CAPN13: variants seen among roughly 807,000 people sequenced by gnomAD.
CAPN13 encodes the protein calpain-13.
CAPN13 carries 90 observed loss-of-function variants against 98.4 expected under a neutral mutation model. The observed-to-expected ratio is 0.92, with a 90% CI of 0.77 to 1.09. The LOEUF is 1.09. Ranked by LOEUF, CAPN13 falls within the 50% of genes least tolerant of loss-of-function variation. The pLI is 0.00. For missense variants in CAPN13, 887 were observed against 841.3 expected, an observed-to-expected ratio of 1.05 and a Z score of -0.67; for synonymous variants, 330 against 305.5, an observed-to-expected ratio of 1.08 and a Z score of -0.84.
chr2:30,732,585 G>C lies in CAPN13; in HGVS notation c.1799-19C>G, dbSNP rs765329514. ...AGGAAGTCTGGGGCCACAGGTGAACGAGTGAGTGAGAGGAGGCTAGGGCTC... is the reference window on the plus strand; with the variant it reads ...AGGAAGTCTGGGGCCACAGGTGAACCAGTGAGTGAGAGGAGGCTAGGGCTC... On this transcript the variant is annotated intron_variant, in intron 19 of 22. Transcript: ENST00000295055. 9.4e-6 allele frequency: 15 copies of C among 1,599,688 alleles called. No individual in the cohort carries two copies. The highest frequency in any genetic ancestry group is 1.7e-5 in the Admixed American group (1 of 58,312).
intron 12 of CAPN13, among the ~76,000 whole-genome samples, chr2:30,744,936 C>T (rs1249930722): frequency 6.6e-6 from 1 of 152,230 alleles, no homozygotes; most frequent in African/African-American, 2.4e-5. Flanking sequence ...CCATCCCAAC[C>T]CTCCACTTCA....
chr2:30,800,119 A>G (rs866059920), intron 1 of CAPN13, among the ~76,000 whole-genome samples: 4 of 77,660 alleles, frequency 5.2e-5, no homozygotes, highest in African/African-American at 2.2e-4. Flanking sequence ...AAGAAAGAAA[A>G]GAAAGAAAGA....
chr2:30,792,636 C>T (rs1674660111), intron 1 of CAPN13, among the ~76,000 whole-genome samples: 1 of 151,936 alleles, frequency 6.6e-6, no homozygotes, highest in African/African-American at 2.4e-5. Flanking sequence ...CCTTCAAGGA[C>T]AGAGTAACAC....
At chr2:30,725,532 C>T (rs1441858754) in intron 22 of CAPN13, among the ~76,000 whole-genome samples, 2 of 152,154 alleles carry the variant, frequency 1.3e-5, no homozygotes, top group Admixed American at 6.5e-5. Flanking sequence ...TAGGGAGTGA[C>T]CTGGAAACCA....
In CAPN13 at chr2:30,775,978, C is replaced by G. The variant is rs1192879763; in HGVS notation, c.339G>C (p.Leu113=). 1.9e-6 allele frequency: 3 copies of G among 1,612,714 alleles called. No individual in the cohort carries two copies. The African/African-American group carries it at 4.0e-5, about 22-fold the overall frequency. ...TQNPQYRQKI[L]MVQSFSHQYA... ...ACTGGTGTGAAAAGCTTTGGACCAT[C>G]AGGATCTTCTGCCTGTACTGTGGGT... is the stretch of plus-strand genomic sequence containing the variant. The change falls in exon 4 of 23, where the codon CTG becomes CTC. Residue 113 remains leucine (L), a synonymous_variant. Coordinates refer to ENST00000295055, the MANE Select transcript of CAPN13 (RefSeq NM_144575.3).
At chr2:30,748,263 C>A (rs978831667) in intron 11 of CAPN13, among the ~76,000 whole-genome samples, 1 of 152,188 alleles carries the variant, frequency 6.6e-6, no homozygotes, top group African/African-American at 2.4e-5. Context: ...TGCCTTTAGC[C>A]TTTTCTTCCC....
rs1443018456 is a variant in CAPN13 at position 30,732,769 on chromosome 2, G to A, written c.1799-203C>T. Among the ~76,000 whole-genome samples the A allele has an allele frequency of 3.3e-5, 5 of 152,166 alleles. No individual in the cohort carries two copies. The East Asian group carries it at 7.7e-4, about 23-fold the overall frequency. ...GTTCTGGAGTCTGGCCAGAGACCAC[G>A]TGAAGATGCTGAAGACCCTGCTCTG... On this transcript the variant is annotated intron_variant, in intron 19 of 22. Transcript: ENST00000295055.
chr2:30,795,068 T>C lies in CAPN13; in HGVS notation c.-32-7711A>G, dbSNP rs115324922. On this transcript the variant is annotated intron_variant, in intron 1 of 22. Transcript: ENST00000295055. The stretch of plus-strand genomic sequence containing the variant: ...AATTAAATGCTATATATAATTTATA[T>C]AGTCTTCTGTAATTTGCTTCTCCCT... 5.4e-3 allele frequency among the ~76,000 whole-genome samples: 825 copies of C among 152,164 alleles called. 9 individuals are homozygous for C. The highest frequency in any genetic ancestry group is 0.019 in the African/African-American group (784 of 41,568).
intron 11 of CAPN13, among the ~76,000 whole-genome samples, chr2:30,749,300 G>C (rs1672063434): frequency 6.6e-6 from 1 of 152,226 alleles, no homozygotes; most frequent in African/African-American, 2.4e-5. Flanking sequence ...TGCTGAATCA[G>C]TAAGTATATA....
rs543430431 is a variant in CAPN13 at position 30,734,617 on chromosome 2, A to G, written c.1723-93T>C. ...CTGGGAGCTTGCTTCCCTAAACCTC[A>G]GAGGAAGGCACGGTCACAGCACTGA... On this transcript the variant is annotated intron_variant, in intron 18 of 22. Transcript: ENST00000295055. The G allele has an allele frequency of 3.3e-5, 32 of 958,222 alleles. No homozygotes were observed. The African/African-American group carries it at 4.8e-4, about 14-fold the overall frequency. The allele number at this position is 958,222 out of a possible 1,614,324, so 59.4% of individuals were successfully genotyped here.
At chr2:30,771,169 A>G (rs1485585047) in intron 4 of CAPN13, among the ~76,000 whole-genome samples, 4 of 152,246 alleles carry the variant, frequency 2.6e-5, no homozygotes, top group African/African-American at 7.2e-5. Flanking sequence ...AACTCTATAT[A>G]GTTCACCGGG....
intron 15 of CAPN13, among the ~76,000 whole-genome samples, chr2:30,739,146 C>T (rs1258950957): frequency 6.6e-6 from 1 of 152,148 alleles, no homozygotes; most frequent in African/African-American, 2.4e-5. Context: ...AGCAGGTTGA[C>T]AGGCAGTGTC....
intron 17 of CAPN13, chr2:30,737,492 CAGG>C (rs970546997): frequency 3.3e-5 from 5 of 152,348 alleles, no homozygotes; most frequent in African/African-American, 1.2e-4. Flanking sequence ...GAATGGAAAT[CAGG>C]AGGAGGGTCA....
In CAPN13 at chr2:30,743,558, G is replaced by T. The variant is rs374768590; in HGVS notation, c.1270C>A (p.Pro424Thr). The T allele has an allele frequency of 9.7e-5, 156 of 1,613,830 alleles. No individual in the cohort carries two copies. Among genetic ancestry groups the T allele is most frequent in the Non-Finnish European group, 1.3e-4 (150 of 1,179,884 alleles). ...GSQRFREKFP[P>T]VFFSSFRNTV... ...TTTCTGAACGAGGAAAAAAACACGGGTGGAAATTTCTCCCGGAACCGCTGG... is the reference window on the plus strand; with the variant it reads ...TTTCTGAACGAGGAAAAAAACACGGTTGGAAATTTCTCCCGGAACCGCTGG... Residue 424 changes from proline to threonine, a missense_variant, in exon 13 of 23, where the codon CCC becomes ACC. Pro to Thr is a conservative substitution (Grantham distance 38). Coordinates refer to ENST00000295055, the MANE Select transcript of CAPN13 (RefSeq NM_144575.3).
intron 19 of CAPN13, among the ~76,000 whole-genome samples, chr2:30,734,040 A>G (rs1558609060): frequency 6.6e-6 from 1 of 152,176 alleles, no homozygotes; most frequent in African/African-American, 2.4e-5. Flanking sequence ...ATTTGATTTA[A>G]TTTAGCCCCA....
rs17010253 is a variant in CAPN13 at position 30,777,777 on chromosome 2, C to T, written c.199-138G>A. 8.9e-3 allele frequency: 6,417 copies of T among 718,562 alleles called. 205 individuals carry two copies. The East Asian group carries it at 0.093, about 10-fold the overall frequency. The allele number at this position is 718,562 out of a possible 1,614,324, so 44.5% of individuals were successfully genotyped here. A position where few individuals can be genotyped will look rare whatever the true frequency, so the allele number is the denominator to read the frequency against. On this transcript the variant is annotated intron_variant, in intron 2 of 22. Coordinates refer to ENST00000295055, the MANE Select transcript of CAPN13 (RefSeq NM_144575.3). ...AAATCCGAGTTAGGAAAGTTCACCA[C>T]GTTCTTCAGCCTTTATTGCTACCAG...
intron 1 of CAPN13, among the ~76,000 whole-genome samples, chr2:30,800,220 GAAGT>G (rs777731558): frequency 7.9e-5 from 12 of 151,630 alleles, no homozygotes; most frequent in African/African-American, 2.4e-4. Context: ...AGGTACCAGA[GAAGT>G]AAGTGCTCAG....
intron 10 of CAPN13, among the ~76,000 whole-genome samples, chr2:30,751,534 T>C (rs1239645923): frequency 6.6e-6 from 1 of 152,224 alleles, no homozygotes; most frequent in Non-Finnish European, 1.5e-5. Context: ...TAAGTGAAAT[T>C]CCAGAGTTCC....
intron 12 of CAPN13, chr2:30,745,117 C>A: frequency 2.2e-6 from 1 of 445,304 alleles, no homozygotes; most frequent in Non-Finnish European, 4.7e-6. Context: ...GCAGATGCAC[C>A]TCCCTCTTGG....
Sources: gnomAD v4.1 joint callset for allele counts (sites outside exome capture counted in the v4.1 genomes callset) on GRCh38, gnomAD v4.1.1 for gene constraint, MANE v1.5 for transcripts, NCBI Gene and HGNC (gene_info 2026-07-23, HGNC 2026-07-21) for gene names.